Variants in TAFA1 observed in about 807,000 individuals in gnomAD.
The protein encoded by TAFA1 is TAFA chemokine like family member 1, also known as chemokine-like protein TAFA-1.
A neutral mutation model predicts 18.5 loss-of-function variants in TAFA1; 4 were observed. The observed-to-expected ratio is 0.22, with a 90% CI of 0.11 to 0.49. TAFA1 has a LOEUF of 0.49. TAFA1 is among the 20% of genes least tolerant of loss of function. The pLI, the probability that TAFA1 is intolerant of heterozygous loss-of-function variation, is 0.98. For synonymous variants in TAFA1, 56 were observed against 55.2 expected (o/e 1.01, Z -0.06); for missense variants, 147 against 169.0 (o/e 0.87, Z 0.72).
intron 3 of TAFA1, among the ~76,000 whole-genome samples, chr3:68,454,410 G>A (rs1034169048): frequency 2.0e-5 from 3 of 152,098 alleles, no homozygotes; most frequent in Admixed American, 6.6e-5. Flanking sequence ...TTTAGGGTCA[G>A]CTATCTGAAA....
chr3:68,504,468 C>G (rs1002333066), intron 3 of TAFA1, among the ~76,000 whole-genome samples: 1 of 152,202 alleles, frequency 6.6e-6, no homozygotes, highest in African/African-American at 2.4e-5. Flanking sequence ...CCAAGCATGA[C>G]AGCCACATTG....
At chr3:68,503,990 T>C (rs781514717) in intron 3 of TAFA1, among the ~76,000 whole-genome samples, 16 of 152,152 alleles carry the variant, frequency 1.1e-4, no homozygotes, top group Non-Finnish European at 2.4e-4. Context: ...ATTAATCCAA[T>C]GTACACAAAC....
chr3:68,468,629 A>T (rs1383389671), intron 3 of TAFA1, among the ~76,000 whole-genome samples: 1 of 152,206 alleles, frequency 6.6e-6, no homozygotes, highest in African/African-American at 2.4e-5. Flanking sequence ...ATAGCCCAAG[A>T]GGGCTCTGAA....
chr3:68,420,498 G>A (rs2070933783), intron 3 of TAFA1, among the ~76,000 whole-genome samples: 1 of 152,112 alleles, frequency 6.6e-6, no homozygotes. Context: ...AGGATTACAG[G>A]CATGAGCCAC....
At chr3:68,485,588 A>G (rs2072320216) in intron 3 of TAFA1, among the ~76,000 whole-genome samples, 1 of 152,194 alleles carries the variant, frequency 6.6e-6, no homozygotes, top group Non-Finnish European at 1.5e-5. Flanking sequence ...TGACACTCCA[A>G]TAAATGTAAG....
Position 68,531,274 on chromosome 3 carries a change from C to T in TAFA1, c.260-7482C>T, listed in dbSNP as rs181175569. Among the ~76,000 whole-genome samples the T allele has an allele frequency of 1.6e-3, 248 of 152,070 alleles. 1 individual carries two copies. The highest frequency in any genetic ancestry group is 2.7e-3 in the Non-Finnish European group (182 of 67,986). ...GCCTCCTCAGAAGAAAGAATTTGAC[C>T]GAATGACTTAAAGCAGAGGGAGAGA... is the stretch of plus-strand genomic sequence containing the variant. On this transcript the variant is annotated intron_variant, in intron 3 of 4. Coordinates refer to ENST00000478136, the MANE Select transcript of TAFA1 (RefSeq NM_213609.4).
intron 2 of TAFA1, among the ~76,000 whole-genome samples, chr3:68,333,088 G>A (rs2068909675): frequency 6.6e-6 from 1 of 152,196 alleles, no homozygotes; most frequent in Non-Finnish European, 1.5e-5. Context: ...GTGGAAAGCA[G>A]TTTGACAATT....
At chr3:68,537,959 G>A (rs1237952013) in intron 3 of TAFA1, among the ~76,000 whole-genome samples, 1 of 152,142 alleles carries the variant, frequency 6.6e-6, no homozygotes, top group Admixed American at 6.5e-5. Context: ...TAGGCTCCCT[G>A]AAGTCTTCGA....
chr3:68,357,252 G>T (rs895920284), intron 2 of TAFA1, among the ~76,000 whole-genome samples: 1 of 151,842 alleles, frequency 6.6e-6, no homozygotes, highest in African/African-American at 2.4e-5. Context: ...TTCTTATTTA[G>T]CAACTTACTT....
intron 2 of TAFA1, among the ~76,000 whole-genome samples, chr3:68,109,782 T>A (rs1292269716): frequency 1.3e-5 from 2 of 152,086 alleles, no homozygotes; most frequent in Non-Finnish European, 2.9e-5. Context: ...CAAAAGTTAT[T>A]TCAGTATGTT....
At chr3:68,177,115 C>T (rs2066136229) in intron 2 of TAFA1, among the ~76,000 whole-genome samples, 1 of 151,974 alleles carries the variant, frequency 6.6e-6, no homozygotes, top group African/African-American at 2.4e-5. Flanking sequence ...GACAAATATG[C>T]ATAGGGATGC....
At chr3:68,489,852 A>C (rs2072417756) in intron 3 of TAFA1, among the ~76,000 whole-genome samples, 1 of 152,194 alleles carries the variant, frequency 6.6e-6, no homozygotes, top group Non-Finnish European at 1.5e-5. Flanking sequence ...AGCACATGTA[A>C]TATTTCATGT....
intron 2 of TAFA1, among the ~76,000 whole-genome samples, chr3:68,030,660 A>G (rs1310224212): frequency 6.6e-6 from 1 of 152,122 alleles, no homozygotes; most frequent in Non-Finnish European, 1.5e-5. Flanking sequence ...TACCCAGTCT[A>G]TCATTGGTGG....
At chr3:68,036,935 A>G (rs1260125037) in intron 2 of TAFA1, among the ~76,000 whole-genome samples, 2 of 152,104 alleles carry the variant, frequency 1.3e-5, no homozygotes, top group African/African-American at 4.8e-5. Context: ...CACTTATCTA[A>G]CACTTATTGA....
At chr3:68,164,662 G>GT (rs1461518869) in intron 2 of TAFA1, among the ~76,000 whole-genome samples, 6 of 47,692 alleles carry the variant, frequency 1.3e-4, no homozygotes, top group Non-Finnish European at 2.2e-4. Context: ...TGTGTGTGTG[G>GT]GAGGTAGTTA....
intron 2 of TAFA1, among the ~76,000 whole-genome samples, chr3:68,007,009 GT>G (rs898733805): frequency 6.6e-6 from 1 of 152,108 alleles, no homozygotes; most frequent in African/African-American, 2.4e-5. Context: ...GAAGTCATCT[GT>G]TTTTGGATGC....
chr3:68,173,331 A>G (rs2066082514), intron 2 of TAFA1, among the ~76,000 whole-genome samples: 1 of 147,248 alleles, frequency 6.8e-6, no homozygotes, highest in African/African-American at 2.7e-5. Flanking sequence ...ATAAATAAAT[A>G]TATATTCTGT....
intron 2 of TAFA1, among the ~76,000 whole-genome samples, chr3:68,183,449 G>A (rs1236695835): frequency 6.6e-6 from 1 of 152,124 alleles, no homozygotes; most frequent in Admixed American, 6.6e-5. Context: ...AAAGTGAGGT[G>A]CATATTAATA....
rs114735995 is a variant in TAFA1 at position 68,436,959 on chromosome 3, T to C, written c.259+19539T>C. On this transcript the variant is annotated intron_variant, in intron 3 of 4. Coordinates refer to ENST00000478136, the MANE Select transcript of TAFA1 (RefSeq NM_213609.4). ...TGAAAACTGTTTCTGTTCTTTCTCT[T>C]TTTATTTATAAATATTTTATAAAAG... is the stretch of plus-strand genomic sequence containing the variant. Among the ~76,000 whole-genome samples, 1,339 of 152,296 alleles carry C rather than the reference T, an allele frequency of 8.8e-3. 26 individuals carry two copies. The highest frequency in any genetic ancestry group is 0.031 in the African/African-American group (1,279 of 41,560).
Sources: allele counts gnomAD v4.1 joint callset (sites outside exome capture counted in the v4.1 genomes callset), GRCh38; gene constraint gnomAD v4.1.1; transcripts MANE v1.5; gene names NCBI Gene and HGNC (gene_info 2026-07-23, HGNC 2026-07-21).